The following CFAP95 variants were observed in gnomAD, a reference collection of about 807,000 sequenced individuals.
The protein encoded by CFAP95 is cilia and flagella associated protein 95.
At chr9:69,878,124 T>TGAAA in the CFAP95 span, among the ~76,000 whole-genome samples, 1 of 152,192 alleles carries the variant, frequency 6.6e-6, no homozygotes, top group East Asian at 1.9e-4. Flanking sequence ...TCTGGGGTGG[T>TGAAA]GAAACATAGG....
the CFAP95 span, among the ~76,000 whole-genome samples, chr9:69,897,279 TA>T: frequency 6.6e-6 from 1 of 152,242 alleles, no homozygotes; most frequent in Non-Finnish European, 1.5e-5. Flanking sequence ...AGCATCCTTA[TA>T]GGCATACTGG....
At chr9:69,868,732 G>C in the CFAP95 span, among the ~76,000 whole-genome samples, 1 of 147,006 alleles carries the variant, frequency 6.8e-6, no homozygotes, top group East Asian at 2.0e-4. Context: ...TGGATGAGGA[G>C]AAAATATTTG....
the CFAP95 span, among the ~76,000 whole-genome samples, chr9:69,842,211 G>T: frequency 1.3e-5 from 2 of 152,186 alleles, no homozygotes; most frequent in African/African-American, 4.8e-5. Context: ...TTGTGGCAGA[G>T]CACCAGTCTA....
chr9:69,854,737 G>C, the CFAP95 span, among the ~76,000 whole-genome samples: 1 of 152,226 alleles, frequency 6.6e-6, no homozygotes, highest in Non-Finnish European at 1.5e-5. Flanking sequence ...CAGGTGACCA[G>C]AGGTGGGAGG....
chr9:69,833,044 C>T, the CFAP95 span, among the ~76,000 whole-genome samples: 2 of 152,090 alleles, frequency 1.3e-5, no homozygotes, highest in African/African-American at 4.8e-5. Flanking sequence ...CCATACAAAT[C>T]ACCCTTTTAA....
chr9:69,848,504 T>C, the CFAP95 span, among the ~76,000 whole-genome samples: 1 of 152,152 alleles, frequency 6.6e-6, no homozygotes, highest in African/African-American at 2.4e-5. Flanking sequence ...AAAGTCACCT[T>C]GGAACATTCA....
the CFAP95 span, among the ~76,000 whole-genome samples, chr9:69,855,156 C>T: frequency 6.6e-6 from 1 of 152,130 alleles, no homozygotes; most frequent in Non-Finnish European, 1.5e-5. Context: ...ATTTAAAGTG[C>T]TTAGTACATT....
At chr9:69,834,099 T>C in the CFAP95 span, among the ~76,000 whole-genome samples, 5 of 152,338 alleles carry the variant, frequency 3.3e-5, no homozygotes, top group East Asian at 5.8e-4. Context: ...AGTGATTCTT[T>C]GCTTTTTGTT....
At chr9:69,823,218 T>G in the CFAP95 span, among the ~76,000 whole-genome samples, 1 of 152,082 alleles carries the variant, frequency 6.6e-6, no homozygotes, top group Admixed American at 6.5e-5. Context: ...GAAACGCTGA[T>G]AAAACCATCA....
the CFAP95 span, among the ~76,000 whole-genome samples, chr9:69,864,331 G>A: frequency 2.0e-5 from 3 of 148,090 alleles, no homozygotes; most frequent in Non-Finnish European, 3.0e-5. Flanking sequence ...GTGTGTATAC[G>A]TGTGTGTGTG....
chr9:69,869,653 T>C, the CFAP95 span, among the ~76,000 whole-genome samples: 2 of 152,158 alleles, frequency 1.3e-5, no homozygotes, highest in South Asian at 4.1e-4. Flanking sequence ...TTAATTAGCT[T>C]GACTGTAGTA....
At chr9:69,844,965 A>G in the CFAP95 span, among the ~76,000 whole-genome samples, 1 of 152,316 alleles carries the variant, frequency 6.6e-6, no homozygotes, top group East Asian at 1.9e-4. Flanking sequence ...ATAACCCTGC[A>G]AAGTAGGTAT....
chr9:69,868,581 C>A, the CFAP95 span, among the ~76,000 whole-genome samples: 5 of 149,844 alleles, frequency 3.3e-5, no homozygotes, highest in African/African-American at 9.8e-5. Flanking sequence ...TAGCTTGGAG[C>A]TGGGAGGCAG....
At chr9:69,821,059 G>A in the CFAP95 span, 1 of 1,606,222 alleles carries the variant, frequency 6.2e-7, no homozygotes, top group Non-Finnish European at 8.5e-7. Flanking sequence ...GCAAGTTCCC[G>A]GGTGCTGCGG....
At chr9:69,858,975 G>A in the CFAP95 span, among the ~76,000 whole-genome samples, 1 of 152,140 alleles carries the variant, frequency 6.6e-6, no homozygotes, top group Admixed American at 6.6e-5. Flanking sequence ...CAAATTCTAA[G>A]GATTGCATTG....
the CFAP95 span, among the ~76,000 whole-genome samples, chr9:69,844,139 A>G: frequency 1.3e-5 from 2 of 152,200 alleles, no homozygotes; most frequent in Non-Finnish European, 2.9e-5. Context: ...ATTAAAATTC[A>G]TGGTAGAAAG....
chr9:69,848,084 G>A, the CFAP95 span, among the ~76,000 whole-genome samples: 33 of 152,176 alleles, frequency 2.2e-4, no homozygotes, highest in Non-Finnish European at 7.3e-5. Flanking sequence ...ATTTTGGAGA[G>A]TGTGCTCTAA....
the CFAP95 span, among the ~76,000 whole-genome samples, chr9:69,895,348 TCTCTC>T: frequency 2.6e-5 from 3 of 113,706 alleles, no homozygotes; most frequent in Non-Finnish European, 3.7e-5. Context: ...TCTCTCTCTC[TCTCTC>T]TCTCTCTCTC....
chr9:69,845,094 G>A, the CFAP95 span, among the ~76,000 whole-genome samples: 1 of 152,196 alleles, frequency 6.6e-6, no homozygotes. Flanking sequence ...TTGGTTTCAA[G>A]TGTTTTGTGC....
Sources: allele counts gnomAD v4.1 joint callset (sites outside exome capture counted in the v4.1 genomes callset), GRCh38; gene constraint gnomAD v4.1.1; transcripts MANE v1.5; gene names NCBI Gene and HGNC (gene_info 2026-07-23, HGNC 2026-07-21).